The following SERTM1 variants were observed in gnomAD, a reference collection of about 807,000 sequenced individuals.
SERTM1 encodes the protein serine rich and transmembrane domain containing 1.
Under a neutral mutation model 5.5 loss-of-function variants are expected in SERTM1, and 1 was observed. That is an observed-to-expected ratio of 0.18 (90% CI 0.06 to 0.86). The LOEUF (loss-of-function observed/expected upper bound fraction) is 0.86, where lower values mean the gene tolerates loss of function less well. SERTM1 is among the 40% of genes least tolerant of loss of function. The probability of loss-of-function intolerance (pLI) is 0.69; values close to 1 mark genes in which losing one functional copy is unlikely to be tolerated. For synonymous variants in SERTM1, 52 were observed against 55.1 expected, an observed-to-expected ratio of 0.94 and a Z score of 0.25; for missense variants, 91 against 122.4, an observed-to-expected ratio of 0.74 and a Z score of 1.21.
At chr13:36,692,867 A>G (rs1020944120) in intron 1 of SERTM1, among the ~76,000 whole-genome samples, 33 of 152,322 alleles carry the variant, frequency 2.2e-4, no homozygotes, top group African/African-American at 7.5e-4. Flanking sequence ...CTGTCTAGCT[A>G]TGTACCCTGA....
chr13:36,684,821 T>A (rs1454353947), intron 1 of SERTM1, among the ~76,000 whole-genome samples: 2 of 152,202 alleles, frequency 1.3e-5, no homozygotes, highest in Non-Finnish European at 2.9e-5. Context: ...GATAAAGGAC[T>A]GTCAAAGTCA....
At chr13:36,681,499 T>TTTTGG (rs1485389563) in intron 1 of SERTM1, among the ~76,000 whole-genome samples, 1 of 152,198 alleles carries the variant, frequency 6.6e-6, no homozygotes, top group African/African-American at 2.4e-5. Flanking sequence ...TTTTGTTTCA[T>TTTTGG]TTTGGTTTGG....
At chr13:36,694,194 C>G (rs76635261) in intron 1 of SERTM1, among the ~76,000 whole-genome samples, 2 of 152,312 alleles carry the variant, frequency 1.3e-5, no homozygotes, top group East Asian at 3.9e-4. Flanking sequence ...TGCCCAGTTT[C>G]CCAAAGATAA....
chr13:36,691,672 T>C (rs1198035113), intron 1 of SERTM1, among the ~76,000 whole-genome samples: 1 of 152,204 alleles, frequency 6.6e-6, no homozygotes, highest in African/African-American at 2.4e-5. Flanking sequence ...AGGTGTCACC[T>C]GAAATGAGAG....
chr13:36,691,616 A>C (rs1480942852), intron 1 of SERTM1, among the ~76,000 whole-genome samples: 3 of 152,178 alleles, frequency 2.0e-5, no homozygotes, highest in African/African-American at 7.2e-5. Context: ...TTCTGAGGAC[A>C]GTGATTCTGA....
intron 1 of SERTM1, among the ~76,000 whole-genome samples, chr13:36,683,074 GT>G (rs912882630): frequency 6.6e-6 from 1 of 151,206 alleles, no homozygotes; most frequent in African/African-American, 2.4e-5. Context: ...TGTACGATGA[GT>G]TTTTTTTTCC....
chr13:36,690,047 ACT>A (rs1384690025), intron 1 of SERTM1, among the ~76,000 whole-genome samples: 3 of 152,004 alleles, frequency 2.0e-5, no homozygotes, highest in Non-Finnish European at 4.4e-5. Context: ...CTATGGAAAA[ACT>A]CTGAGTGTAT....
In SERTM1 at chr13:36,695,718, C is replaced by G. The variant is rs998756663; in HGVS notation, c.*316C>G. 1 of 309,378 alleles carries G rather than the reference C, an allele frequency of 3.2e-6. No individual in the cohort carries two copies. Among genetic ancestry groups the G allele is most frequent in the African/African-American group, 2.2e-5 (1 of 45,842 alleles). The allele number at this position is 309,378 out of a possible 1,614,324, so 19.2% of individuals were successfully genotyped here. On this transcript the variant is annotated 3_prime_UTR_variant, in exon 2 of 2. Coordinates refer to ENST00000315190, the MANE Select transcript of SERTM1 (RefSeq NM_203451.3). ...CGTAGGCTCATCTGAGGTGGCCTCTCCGTGGATGCTGGACATGGACTCGCA... is the reference window on the plus strand; with the variant it reads ...CGTAGGCTCATCTGAGGTGGCCTCTGCGTGGATGCTGGACATGGACTCGCA...
At chr13:36,680,318 C>T (rs776855389) in intron 1 of SERTM1, among the ~76,000 whole-genome samples, 46 of 152,138 alleles carry the variant, frequency 3.0e-4, no homozygotes, top group African/African-American at 7.5e-4. Context: ...GTTCAAGTGT[C>T]GCCTTATTAT....
chr13:36,683,121 G>A (rs1049802662), intron 1 of SERTM1, among the ~76,000 whole-genome samples: 6 of 151,840 alleles, frequency 4.0e-5, no homozygotes, highest in African/African-American at 1.2e-4. Context: ...TATTCTTATT[G>A]CCTCTCACCT....
intron 1 of SERTM1, among the ~76,000 whole-genome samples, chr13:36,680,313 A>G (rs922484529): frequency 6.6e-6 from 1 of 152,188 alleles, no homozygotes; most frequent in African/African-American, 2.4e-5. Context: ...AGTCTGTTCA[A>G]GTGTCGCCTT....
At chr13:36,692,219 A>G (rs758795577) in intron 1 of SERTM1, among the ~76,000 whole-genome samples, 1 of 152,210 alleles carries the variant, frequency 6.6e-6, no homozygotes, top group African/African-American at 2.4e-5. Context: ...AGATGCTTTG[A>G]CCAAACCTTC....
In SERTM1 at chr13:36,695,852, A is replaced by G. The variant is rs2138102917; in HGVS notation, c.*450A>G. ...TCCATATTTAAAAGATAAAGTGGAGACACCAAACTTAAAAAGGAAGAGAGT... is the reference window on the plus strand; with the variant it reads ...TCCATATTTAAAAGATAAAGTGGAGGCACCAAACTTAAAAAGGAAGAGAGT... On this transcript the variant is annotated 3_prime_UTR_variant, in exon 2 of 2. Transcript: ENST00000315190. The G allele has an allele frequency of 5.9e-6, 1 of 170,476 alleles. No homozygotes were observed. The highest frequency in any genetic ancestry group is 1.4e-5 in the Non-Finnish European group (1 of 70,614). The allele number at this position is 170,476 out of a possible 1,614,324, so 10.6% of individuals were successfully genotyped here.
chr13:36,695,236 C>T lies in SERTM1; in HGVS notation c.158C>T (p.Ala53Val), dbSNP rs531330253. 1.4e-5 allele frequency: 22 copies of T among 1,614,190 alleles called. 2 individuals carry two copies. In the South Asian group the frequency reaches 1.6e-4, roughly 12 times the overall value. ...IYVSIFLSLL[A>V]FLLLLLIIAL... ...GTGTCCATATTCCTCAGCCTTTTAGCGTTTCTGCTTCTGCTTTTAATCATT... is the reference window on the plus strand; with the variant it reads ...GTGTCCATATTCCTCAGCCTTTTAGTGTTTCTGCTTCTGCTTTTAATCATT... Residue 53 changes from alanine (A) to valine (V), a missense_variant, in exon 2 of 2, where the codon GCG becomes GTG. By Grantham distance (64) the Ala-to-Val change is moderately conservative. Transcript: ENST00000315190.
At chr13:36,693,009 A>G (rs1381262906) in intron 1 of SERTM1, among the ~76,000 whole-genome samples, 1 of 152,246 alleles carries the variant, frequency 6.6e-6, no homozygotes, top group African/African-American at 2.4e-5. Context: ...GCCCACGCAG[A>G]AAAGAAATTA....
intron 1 of SERTM1, among the ~76,000 whole-genome samples, chr13:36,692,886 C>T (rs1404464662): frequency 2.0e-5 from 3 of 152,118 alleles, no homozygotes; most frequent in Admixed American, 6.6e-5. Flanking sequence ...GAGTAAATCG[C>T]GATGTTTTTG....
chr13:36,676,884 C>T (rs909210393), intron 1 of SERTM1, among the ~76,000 whole-genome samples: 8 of 152,192 alleles, frequency 5.3e-5, no homozygotes, highest in African/African-American at 9.7e-5. Context: ...TTTAAGCCCA[C>T]GAGTTGGCAG....
chr13:36,674,611 T>TG (rs2056658463), intron 1 of SERTM1, among the ~76,000 whole-genome samples: 1 of 152,126 alleles, frequency 6.6e-6, no homozygotes, highest in African/African-American at 2.4e-5. Flanking sequence ...AGGTGCCTTC[T>TG]GTTTGCTTTT....
intron 1 of SERTM1, among the ~76,000 whole-genome samples, chr13:36,678,805 T>A (rs772074233): frequency 1.9e-4 from 29 of 152,082 alleles, no homozygotes; most frequent in Middle Eastern, 3.4e-3. Flanking sequence ...CTTCAATGTT[T>A]AGCTACAGAA....
Sources: allele counts gnomAD v4.1 joint callset (sites outside exome capture counted in the v4.1 genomes callset), GRCh38; gene constraint gnomAD v4.1.1; transcripts MANE v1.5; gene names NCBI Gene and HGNC (gene_info 2026-07-23, HGNC 2026-07-21).